The following NOMO1 variants were observed in gnomAD, a reference collection of about 807,000 sequenced individuals.
The protein encoded by NOMO1 is nodal modulator 3.
NOMO1 carries 40 observed loss-of-function variants against 133.8 expected under a neutral mutation model. The ratio of observed to expected loss-of-function variants is 0.30; its 90% CI spans 0.23 to 0.39. NOMO1 has a LOEUF of 0.39. Ranked by LOEUF, NOMO1 falls within the 10% of genes least tolerant of loss-of-function variation. The pLI, the probability that NOMO1 is intolerant of heterozygous loss-of-function variation, is 1.00. For missense variants in NOMO1, 462 were observed against 1,419.9 expected, an observed-to-expected ratio of 0.33 and a Z score of 10.84; for synonymous variants, 236 against 570.5, an observed-to-expected ratio of 0.41 and a Z score of 8.36.
chr16:14,882,778 G>A (rs1333601765), intron 26 of NOMO1, 101 bp downstream of exon 26: 1 of 1,592,376 alleles, frequency 6.3e-7, no homozygotes, highest in Non-Finnish European at 8.6e-7. Flanking sequence ...TGTGGCGGGG[G>A]GAACTTTCAT....
In NOMO1 at chr16:14,843,525, G is replaced by A. The variant is rs547227702; in HGVS notation, c.302-1149G>A. On this transcript the variant is annotated intron_variant, in intron 3 of 30. Transcript: ENST00000287667. The stretch of plus-strand genomic sequence containing the variant: ...CACATCCTAACCTACACTTGGTATC[G>A]TCAGTTTTTTTTAATTTTAGCCCTT... Among the ~76,000 whole-genome samples, 296 of 151,922 alleles carry A rather than the reference G, an allele frequency of 1.9e-3. 6 individuals are homozygous for A. Among genetic ancestry groups the A allele is most frequent in the African/African-American group, 5.1e-3 (211 of 41,390 alleles).
At chr16:14,861,802 G>T (rs1963925651) in intron 11 of NOMO1, among the ~76,000 whole-genome samples, 1 of 147,284 alleles carries the variant, frequency 6.8e-6, no homozygotes, top group Admixed American at 6.9e-5. Context: ...TGCATTTCAT[G>T]TAATTTTTAC....
In NOMO1 at chr16:14,876,387, C is replaced by G. The variant is rs1964160851; in HGVS notation, c.2385C>G (p.Ile795Met). The change falls in exon 21 of 31, where the codon ATC (isoleucine) becomes ATG (methionine). Residue 795 changes from isoleucine to methionine, a missense_variant. Ile to Met is a conservative substitution (Grantham distance 10). Coordinates refer to ENST00000287667, the MANE Select transcript of NOMO1 (RefSeq NM_014287.4). ...GESCPGKLIE[I>M]HGKAGLFLEG... Reference sequence around the variant, plus strand: ...GCTGCCCAGGGAAGCTGATCGAGATCCATGGGAAGGCAGGCCTGTTTTTAG... The same window carrying G: ...GCTGCCCAGGGAAGCTGATCGAGATGCATGGGAAGGCAGGCCTGTTTTTAG... 6.2e-7 allele frequency: 1 copy of G among 1,611,132 alleles called. No homozygotes were observed. The highest frequency in any genetic ancestry group is 8.5e-7 in the Non-Finnish European group (1 of 1,179,734).
At chr16:14,884,667 GGA>G (rs1217641399) in intron 27 of NOMO1, among the ~76,000 whole-genome samples, 185 bp downstream of exon 27, 1 of 151,854 alleles carries the variant, frequency 6.6e-6, no homozygotes, top group Non-Finnish European at 1.5e-5. Flanking sequence ...CACGTATTTG[GGA>G]GAGTGATTGC....
At position 14,845,233 on chromosome 16, in the gene NOMO1, C is replaced by CT. The variant is rs1057429392; in HGVS notation, c.402+460dup. ...TTGTATTTTCAGCAGAGATGGGCTTCTGCTGTGTTGGCCAGGCTGGTCTCA... is the reference window on the plus strand; with the variant it reads ...TTGTATTTTCAGCAGAGATGGGCTTCTTGCTGTGTTGGCCAGGCTGGTCTCA... On this transcript the variant is annotated intron_variant, in intron 4 of 30. Coordinates refer to ENST00000287667, the MANE Select transcript of NOMO1 (RefSeq NM_014287.4). Among the ~76,000 whole-genome samples the CT allele has an allele frequency of 6.8e-4, 103 of 152,096 alleles. 3 individuals carry two copies. The highest frequency in any genetic ancestry group is 2.3e-3 in the African/African-American group (97 of 41,414).
chr16:14,892,713 C>T (rs1397353968), intron 29 of NOMO1, among the ~76,000 whole-genome samples: 2 of 151,346 alleles, frequency 1.3e-5, no homozygotes, highest in African/African-American at 4.9e-5. Context: ...CCGTACAGGG[C>T]CCTCACAGGT....
chr16:14,889,311 C>G (rs3743531), intron 29 of NOMO1, 96 bp downstream of exon 29: 108,634 of 1,608,338 alleles, frequency 0.068, 9,610 homozygotes, highest in East Asian at 0.42. Flanking sequence ...GCTGGTGGAT[C>G]TCTTGAGCCC....
At position 14,875,063 on chromosome 16, in the gene NOMO1, G is replaced by C. The variant is rs1159487151; in HGVS notation, c.2082G>C (p.Leu694Phe). 4 of 1,613,710 alleles carry C rather than the reference G, an allele frequency of 2.5e-6. No individual in the cohort carries two copies. The highest frequency in any genetic ancestry group is 1.7e-5 in the Admixed American group (1 of 59,994). Residue 694 changes from leucine (L) to phenylalanine (F), a missense_variant, in exon 19 of 31, where the codon TTG becomes TTC. By Grantham distance (22) the Leu-to-Phe change is conservative. Transcript: ENST00000287667. ...IKSSIDSEPA[L>F]VLGPLKSVQE... ...CTTCCATCGACAGTGAACCCGCCTT[G>C]GTCTTAGGCCCTCTGAAGTCTGTGC...
At position 14,891,455 on chromosome 16, in the gene NOMO1, T is replaced by C. The variant is rs908850261; in HGVS notation, c.3444+2240T>C. Among the ~76,000 whole-genome samples the C allele has an allele frequency of 1.3e-5, 2 of 152,116 alleles. 1 individual carries two copies. Among genetic ancestry groups the C allele is most frequent in the African/African-American group, 4.8e-5 (2 of 41,370 alleles). ...ATTTCTATGTTAAATGTGTTGATTT[T>C]TTTCTTATTGCTTCTGGATTTTAGA... On this transcript the variant is annotated intron_variant, in intron 29 of 30. Coordinates refer to ENST00000287667, the MANE Select transcript of NOMO1 (RefSeq NM_014287.4).
At position 14,857,617 on chromosome 16, in the gene NOMO1, A is replaced by G. The variant is rs779900663; in HGVS notation, c.1182A>G (p.Ala394=). ...LYFETVTIKI[A]PNTPQLADII... ...TTGAAACGGTCACCATCAAAATTGCACCGAACACACCTCAGCTGGCTGACA... is the reference window on the plus strand; with the variant it reads ...TTGAAACGGTCACCATCAAAATTGCGCCGAACACACCTCAGCTGGCTGACA... The change falls in exon 11 of 31, where the codon GCA becomes GCG. Residue 394 remains alanine (A), a synonymous_variant. Coordinates refer to ENST00000287667, the MANE Select transcript of NOMO1 (RefSeq NM_014287.4). The G allele has an allele frequency of 6.2e-7, 1 of 1,613,518 alleles. No homozygotes were observed. Among genetic ancestry groups the G allele is most frequent in the South Asian group, 1.1e-5 (1 of 91,044 alleles).
At chr16:14,889,067 A>G (rs1402773751) in intron 28 of NOMO1, 29 bp from the exon 29 acceptor site, 1 of 1,611,770 alleles carries the variant, frequency 6.2e-7, no homozygotes, top group South Asian at 1.1e-5. Context: ...CTGTCCTTGT[A>G]AAAATAACTT....
chr16:14,888,715 T>G (rs1048928481), intron 28 of NOMO1: 23 of 324,518 alleles, frequency 7.1e-5, no homozygotes, highest in Non-Finnish European at 1.2e-4. Context: ...CCCTTTGAAG[T>G]CAGCCCCGTT....
Position 14,876,348 on chromosome 16 carries a change from T to C in NOMO1, c.2357-11T>C, listed in dbSNP as rs377747095. 20 of 1,610,624 alleles carry C rather than the reference T, an allele frequency of 1.2e-5. No individual in the cohort carries two copies. The highest frequency in any genetic ancestry group is 1.7e-5 in the Admixed American group (1 of 59,840). On this transcript the variant is annotated splice_polypyrimidine_tract_variant and intron_variant, in intron 20 of 30. Transcript: ENST00000287667. ...AAGCCCCATCCTTGTGTTTATTTCT[T>C]CCCCTCTTAGAAAGCTGCCCAGGGA...
intron 27 of NOMO1, among the ~76,000 whole-genome samples, chr16:14,885,574 G>A (rs1192689391): frequency 1.3e-5 from 2 of 151,660 alleles, no homozygotes; most frequent in African/African-American, 2.4e-5. Context: ...GTGTGTGTGC[G>A]CTTTAGTCCA....
Position 14,853,926 on chromosome 16 carries a change from CT to C in NOMO1, c.874-9del. 1 of 1,611,106 alleles carries C rather than the reference CT, an allele frequency of 6.2e-7. No homozygotes were observed. Among genetic ancestry groups the C allele is most frequent in the African/African-American group, 1.3e-5 (1 of 74,378 alleles). ...AGTGGTTCTTAGTGATTAACAGACT[CT>C]TCCTTCCAGATTCCGTTCTATCGAG... On this transcript the variant is annotated splice_polypyrimidine_tract_variant and intron_variant, in intron 8 of 30. Coordinates refer to ENST00000287667, the MANE Select transcript of NOMO1 (RefSeq NM_014287.4).
At chr16:14,846,303 A>G (rs1423892583) in intron 4 of NOMO1, among the ~76,000 whole-genome samples, 3 of 151,514 alleles carry the variant, frequency 2.0e-5, no homozygotes, top group Middle Eastern at 6.8e-3. Context: ...CTAGGATTAC[A>G]GGCGTGAACC....
chr16:14,862,313 A>AG lies in NOMO1; in HGVS notation c.1221-694dup, dbSNP rs1226515606. 3.3e-5 allele frequency: 5 copies of AG among 152,382 alleles called. No individual in the cohort carries two copies. The South Asian group carries it at 8.3e-4, about 25-fold the overall frequency. 9.4% of individuals were successfully genotyped at this position (152,382 alleles called of 1,614,324 possible). On this transcript the variant is annotated intron_variant, in intron 11 of 30. Coordinates refer to ENST00000287667, the MANE Select transcript of NOMO1 (RefSeq NM_014287.4). ...GCACTCCAAGGATGATGGTCGTTGTAGGGGGGCCTCTCGTGTGTTATTCGA... is the reference window on the plus strand; with the variant it reads ...GCACTCCAAGGATGATGGTCGTTGTAGGGGGGGCCTCTCGTGTGTTATTCGA...
intron 1 of NOMO1, among the ~76,000 whole-genome samples, chr16:14,835,405 A>G (rs1176417813): frequency 6.6e-6 from 1 of 151,066 alleles, no homozygotes. Flanking sequence ...TCAGGGTGGT[A>G]TGGCTGTAGA....
intron 18 of NOMO1, among the ~76,000 whole-genome samples, chr16:14,873,753 G>A (rs1964111888): frequency 6.6e-6 from 1 of 151,922 alleles, no homozygotes; most frequent in Non-Finnish European, 1.5e-5. Context: ...GAGGTTGTAT[G>A]GAATGCATCT....
Sources: gnomAD v4.1 joint callset for allele counts (sites outside exome capture counted in the v4.1 genomes callset) on GRCh38, gnomAD v4.1.1 for gene constraint, MANE v1.5 for transcripts, NCBI Gene and HGNC (gene_info 2026-07-23, HGNC 2026-07-21) for gene names.